The following SLC38A11 variants were observed in gnomAD, a reference collection of about 807,000 sequenced individuals.
SLC38A11 encodes solute carrier family 38 member 11, also known as putative sodium-coupled neutral amino acid transporter 11.
A neutral mutation model predicts 49.4 loss-of-function variants in SLC38A11; 51 were observed. The observed-to-expected ratio is 1.03, with a 90% CI of 0.83 to 1.30. SLC38A11 has a LOEUF of 1.30. Among genes scored for constraint, SLC38A11 ranks in the 50% most tolerant of loss-of-function variants. SLC38A11 has a pLI of 0.00. For missense variants in SLC38A11, 574 were observed against 556.2 expected (o/e 1.03, Z -0.32); for synonymous variants, 203 against 192.9 (o/e 1.05, Z -0.43).
rs748602746 is a variant in SLC38A11, at chr2:164,908,745, C to A, written c.990G>T (p.Gly330=). The change falls in exon 11 of 12, where the codon GGG becomes GGT. Residue 330 remains glycine (G), a synonymous_variant. Transcript: ENST00000685975. The part of the protein sequence containing the change: ...REVIANVFFG[G]NLSSVFHIVV... ...CAATGTGGAAAACCGATGAAAGATTCCCACCAAAAAACACATTGGCAATTA... is the reference window on the plus strand; with the variant it reads ...CAATGTGGAAAACCGATGAAAGATTACCACCAAAAAACACATTGGCAATTA... 1.4e-5 allele frequency: 23 copies of A among 1,609,642 alleles called. No homozygotes were observed. Among genetic ancestry groups the A allele is most frequent in the African/African-American group, 9.4e-5 (7 of 74,666 alleles).
At chr2:164,943,334 C>T (rs73017821) in intron 5 of SLC38A11, among the ~76,000 whole-genome samples, 8,519 of 152,136 alleles carry the variant, frequency 0.056, 787 homozygotes, top group African/African-American at 0.19. Context: ...AAACTGGAAA[C>T]GACACAAATG....
chr2:164,936,066 G>A (rs1293663025), intron 7 of SLC38A11, among the ~76,000 whole-genome samples: 5 of 151,982 alleles, frequency 3.3e-5, no homozygotes, highest in African/African-American at 7.3e-5. Context: ...AACAATACTC[G>A]GTTTATGTTT....
intron 3 of SLC38A11, among the ~76,000 whole-genome samples, chr2:164,947,963 A>G (rs1198984371): frequency 1.3e-5 from 2 of 152,136 alleles, no homozygotes; most frequent in East Asian, 3.9e-4. Context: ...CCTTCCTACC[A>G]AGACATTCTC....
intron 3 of SLC38A11, among the ~76,000 whole-genome samples, chr2:164,947,462 TGATCTC>T (rs1390062863): frequency 6.6e-6 from 1 of 152,104 alleles, no homozygotes; most frequent in African/African-American, 2.4e-5. Context: ...TGTACTAGTG[TGATCTC>T]ACTTATGCTG....
intron 3 of SLC38A11, among the ~76,000 whole-genome samples, chr2:164,952,436 T>A (rs562104252): frequency 1.1e-4 from 16 of 152,322 alleles, no homozygotes; most frequent in South Asian, 8.3e-4. Context: ...GACTTCCCCA[T>A]CTACTACTTT....
At chr2:164,925,071 A>T (rs1461638642) in intron 7 of SLC38A11, among the ~76,000 whole-genome samples, 3 of 152,192 alleles carry the variant, frequency 2.0e-5, no homozygotes, top group African/African-American at 4.8e-5. Context: ...TAAAATATGA[A>T]TCATATAAAA....
intron 7 of SLC38A11, among the ~76,000 whole-genome samples, chr2:164,927,940 A>T (rs191200752): frequency 1.3e-5 from 2 of 152,248 alleles, no homozygotes; most frequent in East Asian, 3.9e-4. Flanking sequence ...CATCAGTTAG[A>T]CATTTAATAA....
At chr2:164,910,762 A>G (rs1163200882) in intron 10 of SLC38A11, among the ~76,000 whole-genome samples, 1 of 152,130 alleles carries the variant, frequency 6.6e-6, no homozygotes, top group Non-Finnish European at 1.5e-5. Flanking sequence ...AACAGATCCT[A>G]TGACTGAGCC....
At chr2:164,921,731 A>G (rs564733211) in intron 7 of SLC38A11, among the ~76,000 whole-genome samples, 16 of 152,202 alleles carry the variant, frequency 1.1e-4, no homozygotes, top group Non-Finnish European at 1.8e-4. Flanking sequence ...AGGAAGCTTT[A>G]AAAAGATCTA....
At chr2:164,937,269 TA>T in intron 7 of SLC38A11, 80 bp downstream of exon 7, 1 of 932,910 alleles carries the variant, frequency 1.1e-6, no homozygotes, top group East Asian at 2.4e-5. Context: ...ATGGTTACTT[TA>T]TATTTCTGCA....
intron 7 of SLC38A11, among the ~76,000 whole-genome samples, chr2:164,926,510 G>C (rs1367656981): frequency 6.6e-6 from 1 of 152,116 alleles, no homozygotes; most frequent in Admixed American, 6.6e-5. Context: ...ACAATACTAA[G>C]AGGTGGGGCC....
Position 164,932,586 on chromosome 2 carries a change from C to T in SLC38A11, c.617+4764G>A, listed in dbSNP as rs369116979. ...AAAAAGATCATGTCCTCTGCAGGAA[C>T]GTGGATTGAGCTGGAGAGGGCATTA... On this transcript the variant is annotated intron_variant, in intron 7 of 11. Coordinates refer to ENST00000685975, the MANE Select transcript of SLC38A11 (RefSeq NM_001351537.2). Among the ~76,000 whole-genome samples, 103 of 152,112 alleles carry T rather than the reference C, an allele frequency of 6.8e-4. 2 individuals carry two copies. The Middle Eastern group carries it at 0.01, about 15-fold the overall frequency.
chr2:164,901,793 G>A (rs1247706939), intron 11 of SLC38A11, among the ~76,000 whole-genome samples: 1 of 152,020 alleles, frequency 6.6e-6, no homozygotes, highest in East Asian at 1.9e-4. Flanking sequence ...GTACTATGTT[G>A]AAGAGAAGTG....
chr2:164,938,721 A>G (rs1009602301), intron 6 of SLC38A11, among the ~76,000 whole-genome samples: 10 of 152,188 alleles, frequency 6.6e-5, no homozygotes, highest in Admixed American at 3.9e-4. Flanking sequence ...GAAAAGTAAA[A>G]TTCAGCCAAA....
At chr2:164,948,812 G>A (rs1358174986) in intron 3 of SLC38A11, among the ~76,000 whole-genome samples, 2 of 151,302 alleles carry the variant, frequency 1.3e-5, no homozygotes, top group African/African-American at 4.9e-5. Context: ...CTACACTTTA[G>A]CCAGACTAAA....
intron 10 of SLC38A11, among the ~76,000 whole-genome samples, chr2:164,910,011 G>A (rs1245891510): frequency 1.3e-5 from 2 of 152,098 alleles, no homozygotes; most frequent in African/African-American, 4.8e-5. Context: ...GAGGCAGGTA[G>A]TAAGAGATAT....
At chr2:164,900,765 G>A (rs927877322) in intron 11 of SLC38A11, among the ~76,000 whole-genome samples, 7 of 151,712 alleles carry the variant, frequency 4.6e-5, no homozygotes, top group South Asian at 2.1e-4. Flanking sequence ...TTTTCTTCCC[G>A]CCCTGCACCC....
chr2:164,922,880 T>C (rs761839313), intron 7 of SLC38A11, among the ~76,000 whole-genome samples: 1 of 152,058 alleles, frequency 6.6e-6, no homozygotes, highest in East Asian at 1.9e-4. Flanking sequence ...AACAGACACA[T>C]AGACCAATGG....
At chr2:164,899,171 T>A (rs1309658723) in intron 11 of SLC38A11, among the ~76,000 whole-genome samples, 2 of 152,134 alleles carry the variant, frequency 1.3e-5, no homozygotes, top group Non-Finnish European at 2.9e-5. Context: ...GGAAATTGTA[T>A]AGGGGCCACA....
Sources: gnomAD v4.1 joint callset for allele counts (sites outside exome capture counted in the v4.1 genomes callset) on GRCh38, gnomAD v4.1.1 for gene constraint, MANE v1.5 for transcripts, NCBI Gene and HGNC (gene_info 2026-07-23, HGNC 2026-07-21) for gene names.